Variants in PTPRK observed in about 807,000 individuals in gnomAD.
PTPRK encodes receptor-type tyrosine-protein phosphatase kappa.
A neutral mutation model predicts 178.0 loss-of-function variants in PTPRK; 75 were observed. The observed-to-expected ratio is 0.42, with a 90% CI of 0.35 to 0.51. The LOEUF is 0.51. Ranked by LOEUF, PTPRK falls within the 20% of genes least tolerant of loss-of-function variation. The pLI is 0.02. For missense variants in PTPRK, 1,441 were observed against 1,797.8 expected (o/e 0.80, Z 3.59); for synonymous variants, 637 against 620.6 (o/e 1.03, Z -0.39).
intron 1 of PTPRK, among the ~76,000 whole-genome samples, chr6:128,467,067 G>T (rs756299825): frequency 2.0e-5 from 3 of 152,130 alleles, no homozygotes; most frequent in Non-Finnish European, 4.4e-5. Context: ...CAGTGGCACA[G>T]TCACAGCTCA....
chr6:128,501,168 T>G (rs964400201), intron 1 of PTPRK: 2 of 152,218 alleles, frequency 1.3e-5, no homozygotes, highest in African/African-American at 4.8e-5. Context: ...TGAGCCACTG[T>G]GCCCAGCCTG....
intron 3 of PTPRK, among the ~76,000 whole-genome samples, chr6:128,286,900 G>C (rs1056301073): frequency 6.6e-6 from 1 of 152,118 alleles, no homozygotes; most frequent in African/African-American, 2.4e-5. Context: ...GTATTATGAA[G>C]GTTTTCTAGC....
intron 2 of PTPRK, among the ~76,000 whole-genome samples, chr6:128,354,231 G>GGTTTTTTTT (rs1562341681): frequency 3.2e-4 from 16 of 49,370 alleles, no homozygotes; most frequent in Admixed American, 4.0e-4. Context: ...TTTTGTTTAT[G>GGTTTTTTTT]TTTTTTTTTT....
At chr6:128,491,850 C>A (rs768607033) in intron 1 of PTPRK, 2 of 511,744 alleles carry the variant, frequency 3.9e-6, no homozygotes, top group South Asian at 1.4e-5. Flanking sequence ...AGCACAGACA[C>A]TGAAAACGAA....
chr6:128,125,312 T>C (rs1156450838), intron 7 of PTPRK, among the ~76,000 whole-genome samples: 1 of 152,148 alleles, frequency 6.6e-6, no homozygotes, highest in Non-Finnish European at 1.5e-5. Context: ...TACCCTGTGA[T>C]ACTGTCCTCA....
In PTPRK at chr6:128,519,758, GTAGT is replaced by G. The variant is rs570248254; in HGVS notation, c.100+497_100+500del. Among the ~76,000 whole-genome samples the G allele has an allele frequency of 3.0e-4, 46 of 152,366 alleles. No individual in the cohort carries two copies. The highest frequency in any genetic ancestry group is 1.1e-3 in the African/African-American group (46 of 41,596). On this transcript the variant is annotated intron_variant, in intron 1 of 29. Coordinates refer to ENST00000368226, the MANE Select transcript of PTPRK (RefSeq NM_002844.4). The surrounding 1 kb of genome is among the most constrained non-coding windows in gnomAD (Gnocchi z 4.3). ...AGGGGACTCCGGGAGGGACGGGGAAGTAGTTAGACAATAGTCAGGGGAGGTTATT... is the reference window on the plus strand; with the variant it reads ...AGGGGACTCCGGGAGGGACGGGGAAGTAGACAATAGTCAGGGGAGGTTATT...
chr6:128,266,226 A>C (rs1049071181), intron 3 of PTPRK, among the ~76,000 whole-genome samples: 1 of 152,176 alleles, frequency 6.6e-6, no homozygotes, highest in African/African-American at 2.4e-5. Context: ...AGCTACTAGA[A>C]GAGCAAAAGG....
intron 2 of PTPRK, among the ~76,000 whole-genome samples, chr6:128,375,405 T>C (rs1020647908): frequency 2.6e-5 from 4 of 151,132 alleles, no homozygotes; most frequent in African/African-American, 9.7e-5. Flanking sequence ...AACAACCTTT[T>C]TAAAAAAAAA....
At chr6:128,318,495 T>C (rs1426596117) in intron 3 of PTPRK, among the ~76,000 whole-genome samples, 1 of 152,148 alleles carries the variant, frequency 6.6e-6, no homozygotes, top group Admixed American at 6.5e-5. Context: ...CTCCATGTAT[T>C]GGGGGAGAAA....
chr6:128,462,618 A>C (rs2128412923), intron 1 of PTPRK, among the ~76,000 whole-genome samples: 1 of 147,738 alleles, frequency 6.8e-6, no homozygotes, highest in South Asian at 2.2e-4. Context: ...GGAAAAAAGT[A>C]GGTATATTTT....
In PTPRK at chr6:128,327,369, G is replaced by A. The variant is rs17055702; in HGVS notation, c.224-5059C>T. On this transcript the variant is annotated intron_variant, in intron 2 of 29. Coordinates refer to ENST00000368226, the MANE Select transcript of PTPRK (RefSeq NM_002844.4). ...AGTTCTTATTTAAAATCTGTTGAATGTGCCCTATAAACTAAAAGCAAAATT... is the reference window on the plus strand; with the variant it reads ...AGTTCTTATTTAAAATCTGTTGAATATGCCCTATAAACTAAAAGCAAAATT... Among the ~76,000 whole-genome samples, 1,082 of 152,196 alleles carry A rather than the reference G, an allele frequency of 7.1e-3. 12 individuals carry two copies. Among genetic ancestry groups the A allele is most frequent in the African/African-American group, 0.024 (996 of 41,512 alleles).
chr6:128,042,929 A>G (rs1777441787), intron 13 of PTPRK, among the ~76,000 whole-genome samples: 1 of 152,054 alleles, frequency 6.6e-6, no homozygotes, highest in Non-Finnish European at 1.5e-5. Flanking sequence ...TCTGACATAA[A>G]TGTCTATGAA....
chr6:128,323,973 G>T (rs1415313372), intron 2 of PTPRK, among the ~76,000 whole-genome samples: 3 of 152,030 alleles, frequency 2.0e-5, no homozygotes, highest in East Asian at 3.9e-4. Context: ...ATAGAAGCAG[G>T]ATGTTTCTAT....
At chr6:128,057,786 T>C (rs143023239) in intron 13 of PTPRK, among the ~76,000 whole-genome samples, 6 of 152,288 alleles carry the variant, frequency 3.9e-5, no homozygotes, top group Admixed American at 1.3e-4. Flanking sequence ...TCACCGAATC[T>C]GAGGGTAGTC....
chr6:128,382,416 T>C (rs531189133), intron 2 of PTPRK, among the ~76,000 whole-genome samples: 4 of 150,270 alleles, frequency 2.7e-5, no homozygotes, highest in African/African-American at 9.7e-5. Flanking sequence ...AATTCTTTTT[T>C]TTTTTTTTTT....
At chr6:128,400,166 C>T (rs561438668) in intron 1 of PTPRK, among the ~76,000 whole-genome samples, 25 of 151,864 alleles carry the variant, frequency 1.6e-4, no homozygotes, top group Middle Eastern at 3.2e-3. Context: ...ATGTGTTATG[C>T]GGGATAATAA....
Position 128,114,303 on chromosome 6 carries a change from C to T in PTPRK, c.1163-24311G>A, listed in dbSNP as rs150394459. Among the ~76,000 whole-genome samples the T allele has an allele frequency of 6.1e-4, 93 of 151,860 alleles. 1 individual carries two copies. The highest frequency in any genetic ancestry group is 3.4e-3 in the Middle Eastern group (1 of 292). On this transcript the variant is annotated intron_variant, in intron 7 of 29. Coordinates refer to ENST00000368226, the MANE Select transcript of PTPRK (RefSeq NM_002844.4). ...CGGCAGGAGAGAGAGAGCAAGTGAG[C>T]GGGGAAGTGCCACACTTTAAAAGCA...
chr6:128,350,997 C>T (rs1007113036), intron 2 of PTPRK, among the ~76,000 whole-genome samples: 6 of 152,154 alleles, frequency 3.9e-5, no homozygotes, highest in Admixed American at 2.6e-4. Flanking sequence ...TCTGATACTT[C>T]GCTAGGTGCT....
chr6:128,409,166 T>A (rs972813483), intron 1 of PTPRK: 3 of 300,640 alleles, frequency 1.0e-5, no homozygotes, highest in African/African-American at 6.7e-5. Context: ...GGAAGCAACA[T>A]TTTATGATAA....
Sources: allele counts gnomAD v4.1 joint callset (sites outside exome capture counted in the v4.1 genomes callset), GRCh38; gene constraint gnomAD v4.1.1; non-coding constraint Gnocchi (gnomAD v3.1); transcripts MANE v1.5; gene names NCBI Gene and HGNC (gene_info 2026-07-23, HGNC 2026-07-21).